SLC35F3: variants seen among roughly 807,000 people sequenced by gnomAD.
The protein encoded by SLC35F3 is solute carrier family 35 member F3.
SLC35F3 carries 25 observed loss-of-function variants against 49.9 expected under a neutral mutation model. The observed-to-expected ratio is 0.50, with a 90% confidence interval of 0.37 to 0.70. The LOEUF (loss-of-function observed/expected upper bound fraction) is 0.70, where lower values mean the gene tolerates loss of function less well. Ranked by LOEUF, SLC35F3 falls within the 30% of genes least tolerant of loss-of-function variation. The pLI, the probability that SLC35F3 is intolerant of heterozygous loss-of-function variation, is 0.00. For synonymous variants in SLC35F3, 275 were observed against 265.4 expected, an observed-to-expected ratio of 1.04 and a Z score of -0.35; for missense variants, 525 against 639.8, an observed-to-expected ratio of 0.82 and a Z score of 1.94.
intron 2 of SLC35F3, among the ~76,000 whole-genome samples, chr1:233,915,468 TC>T: frequency 6.6e-6 from 1 of 152,108 alleles, no homozygotes; most frequent in Non-Finnish European, 1.5e-5. Context: ...ATCACTTGAG[TC>T]CAGGATCTCA....
At chr1:234,211,285 A>T (rs1035924694) in intron 2 of SLC35F3, among the ~76,000 whole-genome samples, 2 of 152,264 alleles carry the variant, frequency 1.3e-5, no homozygotes, top group Non-Finnish European at 2.9e-5. Flanking sequence ...ATTTGGGGTC[A>T]GAGCCCACAC....
rs549362994 is a variant in SLC35F3, at chr1:234,175,102, G to A, written c.284-56315G>A. On this transcript the variant is annotated intron_variant, in intron 2 of 7. Transcript: ENST00000366618. ...TGCTTAGGCTCAGAAAGACGCATAC[G>A]GCTTTTGTATCTTGAGTGGGGCTGT... Among the ~76,000 whole-genome samples, 6 of 152,274 alleles carry A rather than the reference G, an allele frequency of 3.9e-5. No homozygotes were observed. The South Asian group carries it at 1.0e-3, about 26-fold the overall frequency.
intron 2 of SLC35F3, among the ~76,000 whole-genome samples, chr1:233,998,334 A>G (rs961813758): frequency 6.6e-6 from 1 of 152,094 alleles, no homozygotes; most frequent in African/African-American, 2.4e-5. Context: ...GCATCTAATT[A>G]TATAATTAAT....
At chr1:234,287,370 A>G (rs1668439243) in intron 3 of SLC35F3, among the ~76,000 whole-genome samples, 1 of 152,228 alleles carries the variant, frequency 6.6e-6, no homozygotes, top group Non-Finnish European at 1.5e-5. Flanking sequence ...CACAAGTCAC[A>G]TAACAAATAA....
rs182216877 is a variant in SLC35F3, at chr1:234,286,460, C to A, written c.609-22641C>A. On this transcript the variant is annotated intron_variant, in intron 3 of 7. Coordinates refer to ENST00000366618, the MANE Select transcript of SLC35F3 (RefSeq NM_173508.4). ...GGGATTTTGATGGATTATAACTTTACCGTGAGTTATGTGCATGATACAGCC... is the reference window on the plus strand; with the variant it reads ...GGGATTTTGATGGATTATAACTTTAACGTGAGTTATGTGCATGATACAGCC... Among the ~76,000 whole-genome samples, 436 of 152,346 alleles carry A rather than the reference C, an allele frequency of 2.9e-3. 3 individuals carry two copies. Among genetic ancestry groups the A allele is most frequent in the African/African-American group, 1.0e-2 (414 of 41,572 alleles).
At chr1:233,978,551 C>T (rs943442145) in intron 2 of SLC35F3, among the ~76,000 whole-genome samples, 1 of 152,208 alleles carries the variant, frequency 6.6e-6, no homozygotes, top group Non-Finnish European at 1.5e-5. Context: ...CTAGACAAAA[C>T]CTGATGCTGG....
intron 2 of SLC35F3, among the ~76,000 whole-genome samples, chr1:234,103,962 C>T (rs751502795): frequency 5.3e-5 from 8 of 152,170 alleles, no homozygotes; most frequent in Non-Finnish European, 1.2e-4. Context: ...TTCCAGCAGC[C>T]TAGGTCTCAG....
chr1:234,214,241 TAGG>T lies in SLC35F3; in HGVS notation c.284-17172_284-17170del. The T allele has an allele frequency of 8.1e-7, 1 of 1,234,274 alleles. No individual in the cohort carries two copies. The allele number at this position is 1,234,274 out of a possible 1,614,324, so 76.5% of individuals were successfully genotyped here. A position where few individuals can be genotyped will look rare whatever the true frequency, so the allele number is the denominator to read the frequency against. ...GTTGGAGTTTGCAGCAACCTCCAAG[TAGG>T]AGGCTGTGCGCGCGTGTGTGTGGAG... On this transcript the variant is annotated intron_variant, in intron 2 of 7. Coordinates refer to ENST00000366618, the MANE Select transcript of SLC35F3 (RefSeq NM_173508.4). This position sits in a 1 kb window ranked among gnomAD's most constrained non-coding sequence, Gnocchi z 8.0.
chr1:234,202,886 A>C (rs1666919269), intron 2 of SLC35F3, among the ~76,000 whole-genome samples: 1 of 152,272 alleles, frequency 6.6e-6, no homozygotes, highest in South Asian at 2.1e-4. Flanking sequence ...CATCCTAAAG[A>C]AGCAGCAGGA....
Position 233,944,790 on chromosome 1 carries a change from A to G in SLC35F3, c.283+39032A>G, listed in dbSNP as rs574963667. On this transcript the variant is annotated intron_variant, in intron 2 of 7. Coordinates refer to ENST00000366618, the MANE Select transcript of SLC35F3 (RefSeq NM_173508.4). ...TGCCCTGCTTGTTGCAGAAACTGGT[A>G]CAAGTCTATTGCCAAGAAGCTTGTA... 6.6e-5 allele frequency among the ~76,000 whole-genome samples: 10 copies of G among 152,320 alleles called. No individual in the cohort carries two copies. The South Asian group carries it at 1.4e-3, about 22-fold the overall frequency.
intron 3 of SLC35F3, among the ~76,000 whole-genome samples, chr1:234,278,193 GA>G (rs896529572): frequency 1.4e-5 from 2 of 146,148 alleles, no homozygotes; most frequent in African/African-American, 2.5e-5. Context: ...ACCCCATCTC[GA>G]AAAAAAAATA....
At chr1:234,143,718 A>G (rs1194575444) in intron 2 of SLC35F3, among the ~76,000 whole-genome samples, 6 of 152,148 alleles carry the variant, frequency 3.9e-5, no homozygotes, top group African/African-American at 1.4e-4. Flanking sequence ...GGCATAAGAA[A>G]AGGTCATGTA....
intron 2 of SLC35F3, among the ~76,000 whole-genome samples, chr1:234,108,833 T>C (rs56834224): frequency 0.13 from 18,797 of 141,386 alleles, 2,903 homozygotes; most frequent in East Asian, 0.81. Flanking sequence ...TATATCTTTT[T>C]TGATTTCTTT....
At chr1:234,128,365 G>A (rs565812793) in intron 2 of SLC35F3, among the ~76,000 whole-genome samples, 5 of 152,324 alleles carry the variant, frequency 3.3e-5, no homozygotes, top group Non-Finnish European at 7.3e-5. Flanking sequence ...CACAGTTAAT[G>A]TGGAATGAGC....
rs1571994790 is a variant in SLC35F3 at position 233,954,339 on chromosome 1, T to C, written c.283+48581T>C. ...CTTTTAAAGAAAGACACTGAGCTTCTGACAAAATAAGGAATGCCAGAAAGG... is the reference window on the plus strand; with the variant it reads ...CTTTTAAAGAAAGACACTGAGCTTCCGACAAAATAAGGAATGCCAGAAAGG... On this transcript the variant is annotated intron_variant, in intron 2 of 7. Coordinates refer to ENST00000366618, the MANE Select transcript of SLC35F3 (RefSeq NM_173508.4). Among the ~76,000 whole-genome samples the C allele has an allele frequency of 2.0e-5, 3 of 152,006 alleles. No homozygotes were observed. In the East Asian group the frequency reaches 5.8e-4, roughly 29 times the overall value.
intron 2 of SLC35F3, among the ~76,000 whole-genome samples, chr1:234,164,007 CA>C (rs11374565): frequency 2.1e-4 from 31 of 148,796 alleles, no homozygotes; most frequent in East Asian, 3.9e-4. Context: ...CTTCCTAATG[CA>C]AAAAAAAAGC....
intron 2 of SLC35F3, among the ~76,000 whole-genome samples, chr1:234,107,626 A>G (rs1295546301): frequency 8.1e-6 from 1 of 123,112 alleles, no homozygotes; most frequent in East Asian, 4.5e-4. Flanking sequence ...CAGACCTTCT[A>G]TTTACATAGA....
At chr1:234,066,855 C>CACACACACAG (rs1664629109) in intron 2 of SLC35F3, among the ~76,000 whole-genome samples, 3 of 150,658 alleles carry the variant, frequency 2.0e-5, no homozygotes, top group African/African-American at 7.4e-5. Context: ...CACACACACA[C>CACACACACAG]ACACACACAC....
chr1:234,008,098 C>T (rs1296170068), intron 2 of SLC35F3, among the ~76,000 whole-genome samples: 1 of 152,216 alleles, frequency 6.6e-6, no homozygotes, highest in Non-Finnish European at 1.5e-5. Flanking sequence ...TGCCTTTGCA[C>T]TGGAACATAT....
Sources: gnomAD v4.1 joint callset for allele counts (sites outside exome capture counted in the v4.1 genomes callset) on GRCh38, gnomAD v4.1.1 for gene constraint, Gnocchi (gnomAD v3.1) non-coding constraint, MANE v1.5 for transcripts, NCBI Gene and HGNC (gene_info 2026-07-23, HGNC 2026-07-21) for gene names.